SAMD12: variants seen among roughly 807,000 people sequenced by gnomAD.
SAMD12 encodes sterile alpha motif domain-containing protein 12.
Under a neutral mutation model 15.0 loss-of-function variants are expected in SAMD12, and 9 were observed. The observed-to-expected ratio is 0.60, with a 90% CI of 0.36 to 1.05. The LOEUF is 1.05. Ranked by LOEUF, SAMD12 falls within the 50% of genes least tolerant of loss-of-function variation. The probability of loss-of-function intolerance (pLI) is 0.01; values close to 1 mark genes in which losing one functional copy is unlikely to be tolerated. For missense variants in SAMD12, 230 were observed against 234.2 expected (o/e 0.98, Z 0.12); for synonymous variants, 86 against 90.1 (o/e 0.96, Z 0.25).
intron 4 of SAMD12, among the ~76,000 whole-genome samples, chr8:118,207,988 C>T (rs1176027540): frequency 1.3e-5 from 2 of 151,546 alleles, no homozygotes; most frequent in Non-Finnish European, 2.9e-5. Flanking sequence ...CAAAGCTATG[C>T]AAGATAAAAA....
intron 2 of SAMD12, among the ~76,000 whole-genome samples, chr8:118,567,422 T>C (rs920601288): frequency 2.2e-4 from 33 of 152,170 alleles, no homozygotes; most frequent in Non-Finnish European, 2.5e-4. Context: ...ACCCAGGCAA[T>C]GTGTAGGGTT....
intron 2 of SAMD12, among the ~76,000 whole-genome samples, chr8:118,476,842 T>C (rs1823973048): frequency 6.6e-6 from 1 of 152,224 alleles, no homozygotes; most frequent in South Asian, 2.1e-4. Context: ...AAACGGCATT[T>C]GTTTCTTTAG....
At chr8:118,574,271 C>T (rs1827094688) in intron 2 of SAMD12, among the ~76,000 whole-genome samples, 1 of 152,210 alleles carries the variant, frequency 6.6e-6, no homozygotes, top group Non-Finnish European at 1.5e-5. Context: ...GCCTGAACAC[C>T]GCCCTCCTTT....
intron 1 of SAMD12, among the ~76,000 whole-genome samples, chr8:118,608,716 C>T (rs1361739670): frequency 1.3e-5 from 2 of 152,112 alleles, no homozygotes; most frequent in Non-Finnish European, 1.5e-5. Context: ...GTTGGCCAGG[C>T]TGGTCTCACA....
intron 4 of SAMD12, among the ~76,000 whole-genome samples, chr8:118,359,013 G>A (rs1374669268): frequency 6.6e-6 from 1 of 152,034 alleles, no homozygotes; most frequent in Non-Finnish European, 1.5e-5. Flanking sequence ...CTGTGTGTGT[G>A]TGTGTGTGTG....
In SAMD12 at chr8:118,478,665, ACT is replaced by A. The variant is rs1270006220; in HGVS notation, c.193-38706_193-38705del. On this transcript the variant is annotated intron_variant, in intron 2 of 3. Coordinates refer to ENST00000314727, the MANE Select transcript of SAMD12 (RefSeq NM_207506.3). ...AACTGACCAGGCAGTCTGGCCCGAG[ACT>A]CTCTGCTATTCACCACCACTCTGGG... is the stretch of plus-strand genomic sequence containing the variant. 3.3e-5 allele frequency among the ~76,000 whole-genome samples: 5 copies of A among 152,098 alleles called. No homozygotes were observed. In the South Asian group the frequency reaches 6.2e-4, roughly 19 times the overall value.
intron 2 of SAMD12, among the ~76,000 whole-genome samples, chr8:118,485,873 A>G (rs2515037): frequency 0.45 from 68,029 of 152,092 alleles, 16,694 homozygotes; most frequent in East Asian, 0.71. Context: ...ATATCACAGA[A>G]TCACTATGGG....
intron 2 of SAMD12, among the ~76,000 whole-genome samples, chr8:118,473,657 C>T (rs1436468902): frequency 2.0e-5 from 3 of 152,190 alleles, no homozygotes; most frequent in Middle Eastern, 3.2e-3. Flanking sequence ...TTGCACTCCA[C>T]ATGCTTGCTA....
At chr8:118,547,095 G>A (rs577454394) in intron 2 of SAMD12, among the ~76,000 whole-genome samples, 1 of 152,280 alleles carries the variant, frequency 6.6e-6, no homozygotes, top group East Asian at 1.9e-4. Context: ...ACAGATAAAC[G>A]CAGAGATGGC....
chr8:118,480,561 T>C (rs1824097269), intron 2 of SAMD12, among the ~76,000 whole-genome samples: 1 of 152,182 alleles, frequency 6.6e-6, no homozygotes, highest in Admixed American at 6.5e-5. Flanking sequence ...AGTAACCCAA[T>C]GTGTTCAATA....
At chr8:118,440,697 A>ACACACACAC (rs1563861873) in intron 2 of SAMD12, among the ~76,000 whole-genome samples, 3 of 52,364 alleles carry the variant, frequency 5.7e-5, no homozygotes, top group African/African-American at 1.3e-4. Context: ...CACACACACA[A>ACACACACAC]ACACACACAC....
At chr8:118,441,563 TATTA>T (rs1447133906) in intron 2 of SAMD12, among the ~76,000 whole-genome samples, 1 of 152,172 alleles carries the variant, frequency 6.6e-6, no homozygotes, top group Non-Finnish European at 1.5e-5. Context: ...ATTTTTCTTT[TATTA>T]ATTGTGGTAG....
intron 4 of SAMD12, among the ~76,000 whole-genome samples, chr8:118,302,675 T>C (rs868034319): frequency 9.2e-5 from 14 of 152,284 alleles, no homozygotes; most frequent in Middle Eastern, 6.8e-3. Flanking sequence ...GATCTTGAAA[T>C]GTGTATGTGT....
chr8:118,238,568 C>T (rs1254681373), intron 4 of SAMD12, among the ~76,000 whole-genome samples: 1 of 152,114 alleles, frequency 6.6e-6, no homozygotes, highest in African/African-American at 2.4e-5. Flanking sequence ...TGTGCTGACT[C>T]AGCTGTTGGA....
downstream of SAMD12, among the ~76,000 whole-genome samples, chr8:118,375,316 A>C (rs549630765): frequency 1.3e-5 from 2 of 152,188 alleles, no homozygotes; most frequent in Non-Finnish European, 2.9e-5. Flanking sequence ...TCTGACTATG[A>C]GTATATTACT....
chr8:118,416,576 T>C (rs928673102), intron 3 of SAMD12, among the ~76,000 whole-genome samples: 3 of 152,198 alleles, frequency 2.0e-5, no homozygotes, highest in African/African-American at 4.8e-5. Context: ...ATAGAAGGAA[T>C]TGTCCTACGT....
At chr8:118,158,850 C>A in the SAMD12 span, among the ~76,000 whole-genome samples, 1 of 152,034 alleles carries the variant, frequency 6.6e-6, no homozygotes, top group Admixed American at 6.6e-5. Flanking sequence ...CAGTTGAGAG[C>A]TGAACAGACA....
chr8:118,307,900 T>C (rs983321113), intron 4 of SAMD12, among the ~76,000 whole-genome samples: 36 of 152,096 alleles, frequency 2.4e-4, no homozygotes, highest in African/African-American at 8.7e-4. Context: ...GAGGTCAGGG[T>C]ATTTCTTCCC....
At chr8:118,385,359 T>C (rs1218639046) in intron 3 of SAMD12, among the ~76,000 whole-genome samples, 2 of 152,138 alleles carry the variant, frequency 1.3e-5, no homozygotes, top group Admixed American at 6.5e-5. Context: ...CTGATGGCCT[T>C]TGCACTGGGA....
Sources: allele counts gnomAD v4.1 joint callset (sites outside exome capture counted in the v4.1 genomes callset), GRCh38; gene constraint gnomAD v4.1.1; transcripts MANE v1.5; gene names NCBI Gene and HGNC (gene_info 2026-07-23, HGNC 2026-07-21).